Variants in CHMP4B observed in about 807,000 individuals in gnomAD.
CHMP4B encodes charged multivesicular body protein 4B.
CHMP4B carries 1 observed loss-of-function variant against 25.1 expected under a neutral mutation model. That is an observed-to-expected ratio of 0.04 (90% CI 0.01 to 0.19). The LOEUF is 0.19. CHMP4B is among the 10% of genes least tolerant of loss of function. CHMP4B has a pLI of 1.00. For missense variants in CHMP4B, 151 were observed against 289.7 expected, an observed-to-expected ratio of 0.52 and a Z score of 3.48; for synonymous variants, 101 against 115.6, an observed-to-expected ratio of 0.87 and a Z score of 0.81.
chr20:33,844,076 G>C (rs1023087929), intron 1 of CHMP4B, among the ~76,000 whole-genome samples: 2 of 152,232 alleles, frequency 1.3e-5, no homozygotes, highest in Non-Finnish European at 2.9e-5. Flanking sequence ...GTCCTGGGGG[G>C]ATACCCCGGG....
intron 1 of CHMP4B, among the ~76,000 whole-genome samples, chr20:33,836,497 ATGAC>A (rs1056515051): frequency 7.9e-5 from 12 of 152,180 alleles, no homozygotes; most frequent in African/African-American, 2.9e-4. Context: ...AAGAGGCACT[ATGAC>A]TGGCCCCATG....
At chr20:33,853,212 AC>A (rs1979904436) in intron 4 of CHMP4B, among the ~76,000 whole-genome samples, 2 of 152,120 alleles carry the variant, frequency 1.3e-5, no homozygotes. Context: ...AGGCTCTGGG[AC>A]CGAAGCCTTG....
At chr20:33,830,275 G>A (rs777843829) in intron 1 of CHMP4B, among the ~76,000 whole-genome samples, 2 of 152,178 alleles carry the variant, frequency 1.3e-5, no homozygotes, top group Non-Finnish European at 2.9e-5. Flanking sequence ...ATCATCTCAG[G>A]GGAGGGACCT....
chr20:33,842,651 G>C (rs1979575986), intron 1 of CHMP4B, among the ~76,000 whole-genome samples: 1 of 152,186 alleles, frequency 6.6e-6, no homozygotes, highest in African/African-American at 2.4e-5. Context: ...AGTGTCCTCA[G>C]GACCTCAGGA....
chr20:33,845,268 T>A (rs1201584197), intron 1 of CHMP4B, among the ~76,000 whole-genome samples: 2 of 152,150 alleles, frequency 1.3e-5, no homozygotes, highest in African/African-American at 4.8e-5. Context: ...CGGAAGGGAC[T>A]GCCGTTGCTT....
chr20:33,821,645 T>G (rs939448891), intron 1 of CHMP4B, among the ~76,000 whole-genome samples: 2 of 151,774 alleles, frequency 1.3e-5, no homozygotes. Context: ...CAGATTAGGC[T>G]GGGTATGGTG....
intron 1 of CHMP4B, among the ~76,000 whole-genome samples, chr20:33,813,796 G>C (rs1978707128): frequency 6.6e-6 from 1 of 152,046 alleles, no homozygotes. Flanking sequence ...GCAGTGGTGC[G>C]ATCTCAGCTC....
intron 1 of CHMP4B, among the ~76,000 whole-genome samples, chr20:33,823,815 C>T (rs1393823275): frequency 6.6e-6 from 1 of 152,062 alleles, no homozygotes; most frequent in South Asian, 2.1e-4. Flanking sequence ...GCTGGGATTA[C>T]AGGTGTGAGC....
intron 1 of CHMP4B, among the ~76,000 whole-genome samples, chr20:33,814,098 G>C (rs1265936453): frequency 6.6e-6 from 1 of 152,226 alleles, no homozygotes; most frequent in Non-Finnish European, 1.5e-5. Flanking sequence ...GCCAACTGTG[G>C]AGGACCAATC....
intron 1 of CHMP4B, among the ~76,000 whole-genome samples, chr20:33,812,496 CTTACT>C (rs1288149000): frequency 6.6e-6 from 1 of 152,216 alleles, no homozygotes; most frequent in African/African-American, 2.4e-5. Flanking sequence ...TGAGGCACTG[CTTACT>C]TTACTTCCTG....
At chr20:33,850,075 C>T (rs1206951513) in intron 2 of CHMP4B, among the ~76,000 whole-genome samples, 1 of 152,206 alleles carries the variant, frequency 6.6e-6, no homozygotes, top group Non-Finnish European at 1.5e-5. Context: ...CTGTGCCTAG[C>T]CTTAAAAGTT....
chr20:33,828,807 A>G (rs1389255553), intron 1 of CHMP4B, among the ~76,000 whole-genome samples: 2 of 151,406 alleles, frequency 1.3e-5, no homozygotes, highest in East Asian at 1.9e-4. Flanking sequence ...TAGTAAGCAG[A>G]TAAGTCTCAG....
chr20:33,820,158 AC>A (rs1230468027), intron 1 of CHMP4B, among the ~76,000 whole-genome samples: 1 of 152,118 alleles, frequency 6.6e-6, no homozygotes, highest in Non-Finnish European at 1.5e-5. Context: ...AGCCTGGGCA[AC>A]AGAGCGAGAC....
At chr20:33,847,469 G>A (rs999749953) in intron 1 of CHMP4B, among the ~76,000 whole-genome samples, 1 of 152,010 alleles carries the variant, frequency 6.6e-6, no homozygotes, top group African/African-American at 2.4e-5. Context: ...GATATTTTTC[G>A]GTGTGAAGAG....
intron 1 of CHMP4B, among the ~76,000 whole-genome samples, chr20:33,822,651 G>C (rs6088310): frequency 6.6e-6 from 1 of 152,232 alleles, no homozygotes; most frequent in South Asian, 2.1e-4. Flanking sequence ...CTGGCATTCA[G>C]CTTGCTGCTC....
intron 1 of CHMP4B, among the ~76,000 whole-genome samples, chr20:33,841,695 C>T (rs1250670978): frequency 6.6e-6 from 1 of 152,168 alleles, no homozygotes; most frequent in Admixed American, 6.5e-5. Flanking sequence ...TATTCTTGAA[C>T]CAGCCCGATT....
At position 33,851,078 on chromosome 20, in the gene CHMP4B, T is replaced by C; in HGVS notation, c.483+12T>C. On this transcript the variant is annotated intron_variant, in intron 3 of 4. Transcript: ENST00000217402. The stretch of plus-strand genomic sequence containing the variant: ...AAGAGTTTGACGAGGTGAGTAGTTT[T>C]GTACAGATCCCATAAGCTTCACAAA... 1.3e-6 allele frequency: 2 copies of C among 1,494,062 alleles called. No homozygotes were observed. The highest frequency in any genetic ancestry group is 1.9e-6 in the Non-Finnish European group (2 of 1,070,532). The allele number at this position is 1,494,062 out of a possible 1,614,324, so 92.6% of individuals were successfully genotyped here.
intron 1 of CHMP4B, among the ~76,000 whole-genome samples, chr20:33,843,053 T>C (rs1322011748): frequency 6.6e-6 from 1 of 152,222 alleles, no homozygotes; most frequent in African/African-American, 2.4e-5. Flanking sequence ...TAAAAATGGT[T>C]TCTGTAATCA....
At chr20:33,814,204 G>C (rs1364781069) in intron 1 of CHMP4B, among the ~76,000 whole-genome samples, 1 of 152,172 alleles carries the variant, frequency 6.6e-6, no homozygotes, top group Non-Finnish European at 1.5e-5. Context: ...GCATCCTCTA[G>C]GAGGAAGGTC....
Sources: gnomAD v4.1 joint callset for allele counts (sites outside exome capture counted in the v4.1 genomes callset) on GRCh38, gnomAD v4.1.1 for gene constraint, MANE v1.5 for transcripts, NCBI Gene and HGNC (gene_info 2026-07-23, HGNC 2026-07-21) for gene names.